Variants in ASPRV1 observed in about 807,000 individuals in gnomAD.
ASPRV1 encodes aspartic peptidase retroviral like 1.
In ASPRV1, 7 loss-of-function variants were observed where a neutral mutation model predicts 11.0. That is an observed-to-expected ratio of 0.64 (90% CI 0.36 to 1.20). ASPRV1 has a LOEUF of 1.20. Ranked by LOEUF, ASPRV1 falls within the 50% of genes most tolerant of loss-of-function variation. ASPRV1 has a pLI of 0.02. For missense variants in ASPRV1, 299 were observed against 320.0 expected (o/e 0.93, Z 0.50); for synonymous variants, 136 against 138.4 (o/e 0.98, Z 0.12).
At chr2:70,081,651 A>G in the ASPRV1 span, among the ~76,000 whole-genome samples, 1 of 152,054 alleles carries the variant, frequency 6.6e-6, no homozygotes, top group East Asian at 1.9e-4. Flanking sequence ...TGACGCGATC[A>G]TGGCTCAATA....
the ASPRV1 span, chr2:69,998,260 C>T: frequency 1.3e-4 from 19 of 151,916 alleles, no homozygotes; most frequent in African/African-American, 4.6e-4. Flanking sequence ...ATAGTGAATA[C>T]CTATGTAAAA....
chr2:70,027,529 A>C, the ASPRV1 span, among the ~76,000 whole-genome samples: 2 of 152,214 alleles, frequency 1.3e-5, no homozygotes, highest in Admixed American at 6.5e-5. Context: ...GAATGGATTA[A>C]AATGTGGTAT....
upstream of ASPRV1, chr2:69,962,942 T>A: frequency 2.6e-5 from 6 of 227,678 alleles, no homozygotes; most frequent in South Asian, 1.1e-4. Flanking sequence ...CAAACAGGAG[T>A]GATTAAGGAT....
the ASPRV1 span, among the ~76,000 whole-genome samples, chr2:70,057,851 T>A: frequency 6.6e-6 from 1 of 151,732 alleles, no homozygotes; most frequent in Non-Finnish European, 1.5e-5. Context: ...TGAAATGCAG[T>A]GGCACAATCT....
At chr2:69,939,274 C>T in the ASPRV1 span, 1 of 152,628 alleles carries the variant, frequency 6.6e-6, no homozygotes, top group Non-Finnish European at 1.5e-5. Context: ...CACATTTCTA[C>T]TCTCTGTTGC....
At chr2:70,066,477 G>A in the ASPRV1 span, among the ~76,000 whole-genome samples, 15 of 152,050 alleles carry the variant, frequency 9.9e-5, 1 homozygote, top group Non-Finnish European at 1.5e-5. Context: ...GACCTCAGAT[G>A]ATCCACCTGC....
the ASPRV1 span, among the ~76,000 whole-genome samples, chr2:70,057,290 G>T: frequency 1.3e-5 from 2 of 152,024 alleles, no homozygotes; most frequent in Non-Finnish European, 2.9e-5. Flanking sequence ...AACAGTATGG[G>T]TATATAACAA....
At chr2:70,018,107 C>T in the ASPRV1 span, 1 of 151,616 alleles carries the variant, frequency 6.6e-6, no homozygotes, top group Admixed American at 6.6e-5. Context: ...GCCACTCCAG[C>T]TTGGGCTACA....
the ASPRV1 span, among the ~76,000 whole-genome samples, chr2:70,078,558 G>C: frequency 2.6e-5 from 4 of 152,198 alleles, no homozygotes; most frequent in Admixed American, 1.3e-4. Context: ...AGGCCATACT[G>C]ACATCTGGAA....
the ASPRV1 span, among the ~76,000 whole-genome samples, chr2:69,995,944 G>A: frequency 6.6e-6 from 1 of 152,080 alleles, no homozygotes; most frequent in African/African-American, 2.4e-5. Flanking sequence ...AAGAACCAAG[G>A]CCTCCTCCTC....
the ASPRV1 span, chr2:69,988,951 T>G: frequency 3.2e-6 from 1 of 317,144 alleles, no homozygotes; most frequent in South Asian, 2.5e-5. Flanking sequence ...CTGATAAAAT[T>G]TTATTTGACA....
chr2:69,988,353 T>G, the ASPRV1 span: 1 of 160,036 alleles, frequency 6.2e-6, no homozygotes, highest in Non-Finnish European at 1.4e-5. Context: ...AATGAAGTTC[T>G]GACACATGCT....
the ASPRV1 span, among the ~76,000 whole-genome samples, chr2:69,936,810 T>C: frequency 6.6e-6 from 1 of 152,240 alleles, no homozygotes; most frequent in Non-Finnish European, 1.5e-5. Context: ...TTGGGACATG[T>C]ACTTGAATAA....
the ASPRV1 span, among the ~76,000 whole-genome samples, chr2:70,054,964 C>G: frequency 6.6e-6 from 1 of 152,046 alleles, no homozygotes; most frequent in Non-Finnish European, 1.5e-5. Flanking sequence ...ATGTTTATAC[C>G]CAGCTTTTCA....
chr2:70,040,123 G>A, the ASPRV1 span, among the ~76,000 whole-genome samples: 1,631 of 152,302 alleles, frequency 0.011, 30 homozygotes, highest in African/African-American at 0.037. Flanking sequence ...AAAAATCTAG[G>A]TGGAGGATGA....
At chr2:70,038,316 A>G in the ASPRV1 span, among the ~76,000 whole-genome samples, 3 of 152,208 alleles carry the variant, frequency 2.0e-5, no homozygotes, top group South Asian at 4.1e-4. Context: ...GGAGGCCAAG[A>G]AAGTTGAATT....
the ASPRV1 span, among the ~76,000 whole-genome samples, chr2:70,057,014 G>A: frequency 2.6e-5 from 4 of 152,100 alleles, no homozygotes; most frequent in East Asian, 7.8e-4. Context: ...TAGGATTATA[G>A]GCGTGAGCCA....
chr2:70,026,019 A>G, the ASPRV1 span, among the ~76,000 whole-genome samples: 1 of 152,220 alleles, frequency 6.6e-6, no homozygotes, highest in Non-Finnish European at 1.5e-5. Flanking sequence ...CTTCCCAGTC[A>G]TCCTCTAAGA....
At chr2:69,992,998 G>C in the ASPRV1 span, among the ~76,000 whole-genome samples, 2 of 152,194 alleles carry the variant, frequency 1.3e-5, no homozygotes, top group Admixed American at 1.3e-4. Flanking sequence ...CCTTGTCTAA[G>C]AAATACCTGG....
Sources: gnomAD v4.1 joint callset for allele counts (sites outside exome capture counted in the v4.1 genomes callset) on GRCh38, gnomAD v4.1.1 for gene constraint, MANE v1.5 for transcripts, NCBI Gene and HGNC (gene_info 2026-07-23, HGNC 2026-07-21) for gene names.